CFAP100: variants seen among roughly 807,000 people sequenced by gnomAD.
CFAP100 encodes cilia- and flagella-associated protein 100.
A neutral mutation model predicts 81.5 loss-of-function variants in CFAP100; 70 were observed. The ratio of observed to expected loss-of-function variants is 0.86; its 90% CI spans 0.71 to 1.05. The LOEUF (loss-of-function observed/expected upper bound fraction) is 1.05, where lower values mean the gene tolerates loss of function less well. CFAP100 is among the 50% of genes least tolerant of loss of function. CFAP100 has a pLI of 0.00. For missense variants in CFAP100, 811 were observed against 776.5 expected, an observed-to-expected ratio of 1.04 and a Z score of -0.53; for synonymous variants, 341 against 314.8, an observed-to-expected ratio of 1.08 and a Z score of -0.88.
chr3:126,418,346 C>T (rs2083274343), intron 5 of CFAP100, 112 bp from the exon 6 acceptor site: 7 of 860,154 alleles, frequency 8.1e-6, no homozygotes, highest in Admixed American at 1.9e-5. Context: ...GTCACCTGGG[C>T]GTGGACGCAA....
chr3:126,417,856 A>C (rs547926688), intron 5 of CFAP100, among the ~76,000 whole-genome samples: 2 of 152,232 alleles, frequency 1.3e-5, no homozygotes, highest in African/African-American at 4.8e-5. Context: ...ACAGCTCCCA[A>C]ATCAGAGACA....
intron 3 of CFAP100, among the ~76,000 whole-genome samples, chr3:126,408,048 C>T (rs2083096501): frequency 6.6e-6 from 1 of 152,180 alleles, no homozygotes; most frequent in Admixed American, 6.5e-5. Context: ...CACCACATTT[C>T]CTCTCTTTTA....
rs377632673 is a variant in CFAP100, at chr3:126,433,308, C to T, written c.1422+104C>T. 165 of 1,376,400 alleles carry T rather than the reference C, an allele frequency of 1.2e-4. No individual in the cohort carries two copies. The African/African-American group carries it at 2.0e-3, about 16-fold the overall frequency. The allele number at this position is 1,376,400 out of a possible 1,614,324, so 85.3% of individuals were successfully genotyped here. A position where few individuals can be genotyped will look rare whatever the true frequency, so the allele number is the denominator to read the frequency against. On this transcript the variant is annotated intron_variant, in intron 14 of 16. Transcript: ENST00000352312. Reference sequence around the variant, plus strand: ...CCTTGGGAAGATGGAGGACAAGGCCCGGGTGAGTGCCCTGCAGCTGCCCTT... The same window carrying T: ...CCTTGGGAAGATGGAGGACAAGGCCTGGGTGAGTGCCCTGCAGCTGCCCTT...
chr3:126,407,716 T>C (rs2083089502), intron 3 of CFAP100, among the ~76,000 whole-genome samples: 1 of 152,152 alleles, frequency 6.6e-6, no homozygotes, highest in Non-Finnish European at 1.5e-5. Context: ...TTCCCAAAAG[T>C]TCCAAGCAGC....
rs539147401 is a variant in CFAP100, at chr3:126,412,510, C to A, written c.131-1575C>A. 5.3e-5 allele frequency among the ~76,000 whole-genome samples: 8 copies of A among 152,234 alleles called. No homozygotes were observed. In the South Asian group the frequency reaches 1.7e-3, roughly 32 times the overall value. ...ATTCCTACTTGCTAAGAGTTTTATT[C>A]AAAAATAAGCTTTGAATTTTATCAA... On this transcript the variant is annotated intron_variant, in intron 3 of 16. Transcript: ENST00000352312.
chr3:126,418,265 C>G (rs2083273161), intron 5 of CFAP100, 193 bp from the exon 6 acceptor site: 1 of 598,664 alleles, frequency 1.7e-6, no homozygotes, highest in African/African-American at 1.9e-5. Flanking sequence ...GAGAATGTAA[C>G]ATTTCAGGCA....
chr3:126,396,068 T>C lies in CFAP100; in HGVS notation c.49+19T>C, dbSNP rs200368326. The C allele has an allele frequency of 1.3e-5, 21 of 1,610,526 alleles. No individual in the cohort carries two copies. The highest frequency in any genetic ancestry group is 1.6e-5 in the Non-Finnish European group (19 of 1,176,860). On this transcript the variant is annotated intron_variant, in intron 2 of 16. Transcript: ENST00000352312. ...AATGACAGTAAGTACCGGGCCAGGG[T>C]GGGCACTCTCAGAGGTCAGGGGCAG...
chr3:126,399,422 A>G (rs1334816910), intron 2 of CFAP100, among the ~76,000 whole-genome samples: 1 of 152,348 alleles, frequency 6.6e-6, no homozygotes, highest in South Asian at 2.1e-4. Context: ...AAAGAAAAAA[A>G]GAAGTAAAAG....
At chr3:126,408,864 C>A (rs2107594173) in intron 3 of CFAP100, among the ~76,000 whole-genome samples, 1 of 152,340 alleles carries the variant, frequency 6.6e-6, no homozygotes, top group East Asian at 1.9e-4. Context: ...TCACAGCTCA[C>A]TGCAGCCTCA....
intron 2 of CFAP100, chr3:126,396,820 G>C (rs972264213): frequency 6.6e-6 from 1 of 152,230 alleles, no homozygotes; most frequent in Non-Finnish European, 1.5e-5. Flanking sequence ...ACAGGGCGAC[G>C]CTGAGGGAGG....
chr3:126,419,049 C>CA, intron 7 of CFAP100, 27 bp from the exon 8 acceptor site: 2 of 1,029,110 alleles, frequency 1.9e-6, no homozygotes, highest in Non-Finnish European at 2.9e-6. Context: ...TGCCCCCATC[C>CA]CTCCTCCCCC....
chr3:126,424,405 G>C (rs1282445633), intron 13 of CFAP100, among the ~76,000 whole-genome samples: 1 of 152,254 alleles, frequency 6.6e-6, no homozygotes. Flanking sequence ...TCCAGCCAGA[G>C]AGGCAGCAGG....
At position 126,423,641 on chromosome 3, in the gene CFAP100, G is replaced by A. The variant is rs532611981; in HGVS notation, c.1283G>A (p.Arg428His). 24 of 1,614,186 alleles carry A rather than the reference G, an allele frequency of 1.5e-5. No individual in the cohort carries two copies. The highest frequency in any genetic ancestry group is 9.3e-5 in the African/African-American group (7 of 75,062). ...CACACCCTGAAACACACCCAGATCC[G>A]CATGTAGGTGCTATGCGGTGGCCAG... ...LSHTLKHTQI[R>H]MDREVNQLKQ... The change falls in exon 13 of 17, where the codon CGC (arginine) becomes CAC (histidine). Residue 428 changes from arginine to histidine, a missense_variant. Transcript: ENST00000352312.
intron 4 of CFAP100, 117 bp downstream of exon 4, chr3:126,414,296 G>C (rs1283550785): frequency 1.2e-6 from 1 of 802,324 alleles, no homozygotes; most frequent in East Asian, 2.4e-5. Flanking sequence ...TCTCATTCCA[G>C]AATAGTCAAT....
Position 126,427,769 on chromosome 3 carries a change from T to C in CFAP100, c.1286+4125T>C, listed in dbSNP as rs1933018313. Among the ~76,000 whole-genome samples the C allele has an allele frequency of 2.6e-5, 4 of 152,024 alleles. No individual in the cohort carries two copies. In the South Asian group the frequency reaches 8.3e-4, roughly 32 times the overall value. ...GGCCATTCCAATAGATGTGTAGTGG[T>C]ATTTTGTTTTAATTTGTGACTCCTG... On this transcript the variant is annotated intron_variant, in intron 13 of 16. Transcript: ENST00000352312.
At chr3:126,408,961 G>T (rs1484701673) in intron 3 of CFAP100, among the ~76,000 whole-genome samples, 1 of 152,104 alleles carries the variant, frequency 6.6e-6, no homozygotes, top group Admixed American at 6.6e-5. Flanking sequence ...GCTCATTTTT[G>T]TATTTTTTGT....
chr3:126,434,350 G>A lies in CFAP100; in HGVS notation c.1597G>A (p.Glu533Lys), dbSNP rs142860649. 1.2e-3 allele frequency: 1,960 copies of A among 1,613,924 alleles called. 5 individuals carry two copies. The highest frequency in any genetic ancestry group is 1.6e-3 in the Non-Finnish European group (1,897 of 1,179,962). ...GCCCCAGGTCAAGATCGAGCAGGCC[G>A]AGAGGGCAAAGGAGAAGGAGCGGCG... is the stretch of plus-strand genomic sequence containing the variant. The part of the protein sequence containing the change: ...HVPQVKIEQA[E>K]RAKEKERRIR... The change falls in exon 15 of 17, where the codon GAG becomes AAG. Residue 533 changes from glutamate to lysine, a missense_variant. Coordinates refer to ENST00000352312, the MANE Select transcript of CFAP100 (RefSeq NM_182628.3).
intron 15 of CFAP100, among the ~76,000 whole-genome samples, chr3:126,435,179 G>A (rs547875346): frequency 1.3e-5 from 2 of 152,222 alleles, no homozygotes; most frequent in Admixed American, 6.5e-5. Context: ...CAGGACTCTC[G>A]CCCCAGGGGG....
chr3:126,418,450 T>C lies in CFAP100; in HGVS notation c.419-8T>C, dbSNP rs2083275869. On this transcript the variant is annotated splice_region_variant and splice_polypyrimidine_tract_variant and intron_variant, in intron 5 of 16. Coordinates refer to ENST00000352312, the MANE Select transcript of CFAP100 (RefSeq NM_182628.3). ...CCGCTCCTGCTCACCTCCCTCTTCT[T>C]CCAGCAGAAAAGAATGTGGAGCCTG... is the stretch of plus-strand genomic sequence containing the variant. The C allele has an allele frequency of 6.2e-7, 1 of 1,613,912 alleles. No homozygotes were observed.
Sources: gnomAD v4.1 joint callset for allele counts (sites outside exome capture counted in the v4.1 genomes callset) on GRCh38, gnomAD v4.1.1 for gene constraint, MANE v1.5 for transcripts, NCBI Gene and HGNC (gene_info 2026-07-23, HGNC 2026-07-21) for gene names.